DIPK2B: variants seen among roughly 807,000 people sequenced by gnomAD.
The protein encoded by DIPK2B is UPF0672 protein CXorf36.
In DIPK2B, 15 loss-of-function variants were observed where a neutral mutation model predicts 22.2. The observed-to-expected ratio is 0.68, with a 90% CI of 0.45 to 1.04. The LOEUF (loss-of-function observed/expected upper bound fraction) is 1.04. Among genes scored for constraint, DIPK2B ranks in the 50% least tolerant of loss-of-function variants. The pLI is 0.00. For synonymous variants in DIPK2B, 163 were observed against 153.2 expected (o/e 1.06, Z -0.47); for missense variants, 345 against 348.3 (o/e 0.99, Z 0.08).
At chrX:45,183,278 G>A (rs761050583) in intron 2 of DIPK2B, 1 of 111,652 alleles carries the variant, frequency 9.0e-6, no homozygotes, top group Non-Finnish European at 1.9e-5. Context: ...TGGGAAAAAG[G>A]TGAAGCAAAA....
At chrX:45,160,171 C>G (rs1004672160) in intron 2 of DIPK2B, among the ~76,000 whole-genome samples, 3 of 109,930 alleles carry the variant, frequency 2.7e-5, no homozygotes, top group Admixed American at 1.9e-4. Flanking sequence ...GCCAATTAAA[C>G]CTCTTTTCTT....
chrX:45,186,319 T>A (rs2047183505), intron 2 of DIPK2B, among the ~76,000 whole-genome samples: 1 of 110,957 alleles, frequency 9.0e-6, no homozygotes, highest in Admixed American at 9.6e-5. Flanking sequence ...TCTGAATACC[T>A]CCCAAGGGTC....
intron 4 of DIPK2B, among the ~76,000 whole-genome samples, chrX:45,153,499 T>C (rs1404567265): frequency 9.5e-6 from 1 of 104,746 alleles, no homozygotes; most frequent in African/African-American, 3.5e-5. Context: ...TGTGTGTGTG[T>C]GTGTGTGTGT....
Position 45,200,836 on chromosome X carries a change from TG to T in DIPK2B, c.-11del, listed in dbSNP as rs1311116834. 3 of 1,157,196 alleles carry T rather than the reference TG, an allele frequency of 2.6e-6. No individual in the cohort carries two copies. The African/African-American group carries it at 5.4e-5, about 21-fold the overall frequency. ...CCAGCTGGGGCTCCATCTTGGGCTCTGGGCTCCAGCTGCAGCCTCTGGCTGT... is the reference window on the plus strand; with the variant it reads ...CCAGCTGGGGCTCCATCTTGGGCTCTGGCTCCAGCTGCAGCCTCTGGCTGT... On this transcript the variant is annotated 5_prime_UTR_variant, in exon 1 of 5. Transcript: ENST00000398000.
At chrX:45,161,191 T>C (rs1226804518) in intron 2 of DIPK2B, among the ~76,000 whole-genome samples, 1 of 112,376 alleles carries the variant, frequency 8.9e-6, no homozygotes, top group African/African-American at 3.2e-5. Context: ...CTGACAATCA[T>C]GGAGCCACTA....
In DIPK2B at chrX:45,174,179, A is replaced by G. The variant is rs183292880; in HGVS notation, c.499-16291T>C. ...TTCGGGACCATTGCAGGGAGACACAAAAAGAATTTGGGGACTCTTCCGTCA... is the reference window on the plus strand; with the variant it reads ...TTCGGGACCATTGCAGGGAGACACAGAAAGAATTTGGGGACTCTTCCGTCA... On this transcript the variant is annotated intron_variant, in intron 2 of 4. Coordinates refer to ENST00000398000, the MANE Select transcript of DIPK2B (RefSeq NM_176819.4). Among the ~76,000 whole-genome samples the G allele has an allele frequency of 1.5e-4, 17 of 111,705 alleles. No homozygotes were observed. In the East Asian group the frequency reaches 4.2e-3, roughly 28 times the overall value.
At chrX:45,192,128 T>G (rs2047214986) in intron 1 of DIPK2B, 113 bp from the exon 2 acceptor site, 2 of 784,388 alleles carry the variant, frequency 2.5e-6, no homozygotes, top group Non-Finnish European at 3.5e-6. Flanking sequence ...CTACTTAGAC[T>G]GAGGTGTTCG....
At chrX:45,156,298 C>T (rs980531516) in intron 3 of DIPK2B, among the ~76,000 whole-genome samples, 4 of 110,931 alleles carry the variant, frequency 3.6e-5, no homozygotes, top group African/African-American at 9.8e-5. Context: ...TACTGTGTAC[C>T]GCGGAGGGAA....
intron 1 of DIPK2B, among the ~76,000 whole-genome samples, 168 bp from the exon 2 acceptor site, chrX:45,192,183 G>A (rs987122528): frequency 2.7e-5 from 3 of 111,896 alleles, no homozygotes; most frequent in Non-Finnish European, 5.6e-5. Flanking sequence ...TCAAACTTAC[G>A]GTAGTGTATA....
chrX:45,173,594 C>CT (rs373182494), intron 2 of DIPK2B, among the ~76,000 whole-genome samples: 82 of 80,305 alleles, frequency 1.0e-3, no homozygotes, highest in East Asian at 2.4e-3. Flanking sequence ...CTCTTTCTTT[C>CT]TTTTTTTTTT....
rs2046985767 is a variant in DIPK2B, at chrX:45,155,051, G to A, written c.673-853C>T. 1.8e-5 allele frequency among the ~76,000 whole-genome samples: 2 copies of A among 112,645 alleles called. 1 individual carries two copies. The highest frequency in any genetic ancestry group is 3.7e-5 in the Non-Finnish European group (2 of 53,361). On this transcript the variant is annotated intron_variant, in intron 3 of 4. Transcript: ENST00000398000. Reference sequence around the variant, plus strand: ...GCCTGTAATCCCAGCACTTTGGGAGGCCGACGCAGGTGGATCACTTGAGGA... The same window carrying A: ...GCCTGTAATCCCAGCACTTTGGGAGACCGACGCAGGTGGATCACTTGAGGA...
chrX:45,200,800 A>G lies in DIPK2B; in HGVS notation c.27T>C (p.Ala9=). The G allele has an allele frequency of 8.4e-7, 1 of 1,196,457 alleles. No homozygotes were observed. Among genetic ancestry groups the G allele is most frequent in the Non-Finnish European group, 1.1e-6 (1 of 887,187 alleles). ...CCAGCCAGCCAGGGCGGAGGGCGGC[A>G]GCCTCAGGCCCCAGCTGGGGCTCCA... MEPQLGPE[A]AALRPGWLAL... Residue 9 remains alanine (A), a synonymous_variant, in exon 1 of 5, where the codon GCT becomes GCC. Coordinates refer to ENST00000398000, the MANE Select transcript of DIPK2B (RefSeq NM_176819.4).
rs754370112 is a variant in DIPK2B at position 45,191,959 on chromosome X, T to C, written c.290A>G (p.Tyr97Cys). Residue 97 changes from tyrosine (Y) to cysteine (C), a missense_variant, in exon 2 of 5, where the codon TAT becomes TGT. Physicochemically the swap from Tyr to Cys is radical, Grantham distance 194. Coordinates refer to ENST00000398000, the MANE Select transcript of DIPK2B (RefSeq NM_176819.4). ...LGLPPDSLLSYPANYSDDSKI... is the reference protein window; with the variant it reads ...LGLPPDSLLSCPANYSDDSKI... ...GGAATCATCTGAGTAATTTGCAGGATAAGAAAGCAAGGAATCGGGAGGCAG... is the reference window on the plus strand; with the variant it reads ...GGAATCATCTGAGTAATTTGCAGGACAAGAAAGCAAGGAATCGGGAGGCAG... The C allele has an allele frequency of 1.7e-6, 2 of 1,211,596 alleles. No individual in the cohort carries two copies. The highest frequency in any genetic ancestry group is 2.2e-6 in the Non-Finnish European group (2 of 895,395).
chrX:45,173,849 G>A (rs901071336), intron 2 of DIPK2B, among the ~76,000 whole-genome samples: 1 of 111,112 alleles, frequency 9.0e-6, no homozygotes, highest in Non-Finnish European at 1.9e-5. Flanking sequence ...GGGATAACAG[G>A]TGTGAGCCAC....
intron 4 of DIPK2B, among the ~76,000 whole-genome samples, chrX:45,153,474 T>TG (rs778708679): frequency 8.1e-5 from 6 of 73,851 alleles, no homozygotes; most frequent in South Asian, 8.3e-4. Flanking sequence ...CCCAAAAGTT[T>TG]TGTGTGTGTG....
At chrX:45,174,790 C>T (rs748316699) in intron 2 of DIPK2B, among the ~76,000 whole-genome samples, 18 of 111,297 alleles carry the variant, frequency 1.6e-4, no homozygotes, top group Non-Finnish European at 2.6e-4. Flanking sequence ...ATAGATAATA[C>T]GCATAATGTT....
At chrX:45,195,712 C>T (rs1460265315) in intron 1 of DIPK2B, among the ~76,000 whole-genome samples, 1 of 112,245 alleles carries the variant, frequency 8.9e-6, no homozygotes, top group Non-Finnish European at 1.9e-5. Flanking sequence ...TGCTGCATTG[C>T]CTGCTGCATT....
rs41309609 is a variant in DIPK2B, at chrX:45,151,470, A to T, written c.*182T>A. The T allele has an allele frequency of 1.6e-3, 776 of 473,108 alleles. No individual in the cohort carries two copies. The highest frequency in any genetic ancestry group is 2.4e-3 in the Non-Finnish European group (688 of 285,111). 39.0% of individuals were successfully genotyped at this position (473,108 alleles called of 1,213,427 possible). A position where few individuals can be genotyped will look rare whatever the true frequency, so the allele number is the denominator to read the frequency against. On this transcript the variant is annotated 3_prime_UTR_variant, in exon 5 of 5. Coordinates refer to ENST00000398000, the MANE Select transcript of DIPK2B (RefSeq NM_176819.4). ...GATGCCCACCGCGGGCTTTGCCAGGACGTCCCAGCCAGCAGAGACAGCCAC... is the reference window on the plus strand; with the variant it reads ...GATGCCCACCGCGGGCTTTGCCAGGTCGTCCCAGCCAGCAGAGACAGCCAC...
rs775283898 is a variant in DIPK2B, at chrX:45,181,689, TA to T, written c.498+10061del. 3.0e-4 allele frequency among the ~76,000 whole-genome samples: 34 copies of T among 112,107 alleles called. 1 individual carries two copies. The highest frequency in any genetic ancestry group is 1.0e-3 in the African/African-American group (31 of 30,931). On this transcript the variant is annotated intron_variant, in intron 2 of 4. Coordinates refer to ENST00000398000, the MANE Select transcript of DIPK2B (RefSeq NM_176819.4). ...CTTAACACCTACTGTACATCACTCA[TA>T]AAAAATAATTTGGGATGTATTATAG...
Sources: gnomAD v4.1 joint callset for allele counts (sites outside exome capture counted in the v4.1 genomes callset) on GRCh38, gnomAD v4.1.1 for gene constraint, MANE v1.5 for transcripts, NCBI Gene and HGNC (gene_info 2026-07-23, HGNC 2026-07-21) for gene names.